Variants in CSMD2 observed in about 807,000 individuals in gnomAD.
The protein encoded by CSMD2 is CUB and Sushi multiple domains 2, also known as CUB and sushi domain-containing protein 2.
In CSMD2, 130 loss-of-function variants were observed where a neutral mutation model predicts 398.5. The observed-to-expected ratio is 0.33, with a 90% CI of 0.28 to 0.38. CSMD2 has a LOEUF of 0.38. CSMD2 is among the 10% of genes least tolerant of loss of function. CSMD2 has a pLI of 1.00. For missense variants in CSMD2, 3,829 were observed against 4,764.9 expected (o/e 0.80, Z 5.78); for synonymous variants, 1,828 against 1,908.5 (o/e 0.96, Z 1.10).
At position 33,707,688 on chromosome 1, in the gene CSMD2, C is replaced by T. The variant is rs1013350124; in HGVS notation, c.3576+1401G>A. 6.3e-4 allele frequency among the ~76,000 whole-genome samples: 27 copies of T among 42,988 alleles called. No individual in the cohort carries two copies. In the East Asian group the frequency reaches 9.4e-3, roughly 15 times the overall value. The allele number at this position is 42,988 out of a possible 152,430, so 28.2% of individuals were successfully genotyped here. On this transcript the variant is annotated intron_variant, in intron 22 of 70. Transcript: ENST00000373381. ...TCAAACACGCACGCGTGCACACGCG[C>T]GCGCGCGCACACACACACACACACA...
intron 25 of CSMD2, among the ~76,000 whole-genome samples, chr1:33,675,943 T>C (rs1442290313): frequency 6.6e-6 from 1 of 152,302 alleles, no homozygotes; most frequent in African/African-American, 2.4e-5. Context: ...AAATTAGGTA[T>C]TGATGGGACG....
chr1:33,814,634 C>T (rs145570250), intron 9 of CSMD2, among the ~76,000 whole-genome samples: 2 of 152,246 alleles, frequency 1.3e-5, no homozygotes, highest in East Asian at 3.9e-4. Flanking sequence ...GAGAGATGTC[C>T]CTTGTTTTGG....
chr1:34,036,087 G>A (rs780927715), intron 2 of CSMD2, among the ~76,000 whole-genome samples: 2 of 152,004 alleles, frequency 1.3e-5, no homozygotes, highest in Non-Finnish European at 2.9e-5. Flanking sequence ...AAAACATGCA[G>A]CCACTCTGGT....
rs1653620381 is a variant in CSMD2 at position 33,514,736 on chromosome 1, G to C, written c.*1888C>G. On this transcript the variant is annotated 3_prime_UTR_variant, in exon 71 of 71. Transcript: ENST00000373381. ...CAGCCAAGGAAAGAGATGAGAGTGTGAGTGTGTCTGGATTGGCCCTCTCCC... is the reference window on the plus strand; with the variant it reads ...CAGCCAAGGAAAGAGATGAGAGTGTCAGTGTGTCTGGATTGGCCCTCTCCC... The C allele has an allele frequency of 6.6e-6, 1 of 152,524 alleles. No individual in the cohort carries two copies. Among genetic ancestry groups the C allele is most frequent in the Non-Finnish European group, 1.5e-5 (1 of 68,348 alleles). The allele number at this position is 152,524 out of a possible 1,614,324, so 9.4% of individuals were successfully genotyped here.
At chr1:33,891,636 C>G (rs1642024110) in intron 5 of CSMD2, among the ~76,000 whole-genome samples, 1 of 151,806 alleles carries the variant, frequency 6.6e-6, no homozygotes. Flanking sequence ...ATAGCAAAGA[C>G]TTGGAACCAA....
intron 5 of CSMD2, among the ~76,000 whole-genome samples, chr1:33,848,305 G>C (rs1450249805): frequency 6.6e-6 from 1 of 152,150 alleles, no homozygotes; most frequent in East Asian, 1.9e-4. Flanking sequence ...CACCATATAG[G>C]ACCCAGATCT....
chr1:33,666,055 T>C (rs887832928), intron 25 of CSMD2, among the ~76,000 whole-genome samples: 1 of 152,190 alleles, frequency 6.6e-6, no homozygotes, highest in Non-Finnish European at 1.5e-5. Flanking sequence ...AATATCCCCT[T>C]AGTTGCGGGC....
chr1:33,727,072 C>A (rs1390460021), intron 15 of CSMD2, among the ~76,000 whole-genome samples: 2 of 151,878 alleles, frequency 1.3e-5, no homozygotes, highest in Non-Finnish European at 2.9e-5. Context: ...GGTCAGAACC[C>A]CAGGACCCTA....
At chr1:34,093,047 G>C (rs1159069326) in intron 1 of CSMD2, among the ~76,000 whole-genome samples, 1 of 150,752 alleles carries the variant, frequency 6.6e-6, no homozygotes, top group Non-Finnish European at 1.5e-5. Context: ...CTCCCAGTAC[G>C]CAGCTGGAGA....
chr1:33,753,475 C>A (rs1490849500), intron 13 of CSMD2, among the ~76,000 whole-genome samples: 2 of 152,212 alleles, frequency 1.3e-5, no homozygotes, highest in Non-Finnish European at 2.9e-5. Flanking sequence ...GCACAGCATG[C>A]AAGTATGAAG....
chr1:33,719,270 A>G (rs1219447551), intron 19 of CSMD2, among the ~76,000 whole-genome samples: 1 of 152,204 alleles, frequency 6.6e-6, no homozygotes, highest in Admixed American at 6.5e-5. Flanking sequence ...TACCTAGGAC[A>G]TGGAGTTGGG....
intron 5 of CSMD2, among the ~76,000 whole-genome samples, chr1:33,902,474 G>GT (rs1642817504): frequency 6.6e-6 from 1 of 152,160 alleles, no homozygotes; most frequent in Non-Finnish European, 1.5e-5. Flanking sequence ...CGAATCCACA[G>GT]TGAGCTGTAA....
chr1:33,670,185 G>T (rs1644447702), intron 25 of CSMD2, among the ~76,000 whole-genome samples: 1 of 152,162 alleles, frequency 6.6e-6, no homozygotes, highest in Non-Finnish European at 1.5e-5. Context: ...CTAGTGAGAT[G>T]CTCCCTCTAC....
At chr1:34,002,998 C>T (rs923259093) in intron 3 of CSMD2, among the ~76,000 whole-genome samples, 2 of 152,186 alleles carry the variant, frequency 1.3e-5, no homozygotes, top group Non-Finnish European at 2.9e-5. Context: ...GTGGGTCAGG[C>T]TCCCTCATTG....
At chr1:33,787,785 C>T (rs1389651696) in intron 12 of CSMD2, among the ~76,000 whole-genome samples, 1 of 152,064 alleles carries the variant, frequency 6.6e-6, no homozygotes, top group Non-Finnish European at 1.5e-5. Context: ...TGGAAGTGGT[C>T]AGAAGGGTGA....
rs1241542746 is a variant in CSMD2, at chr1:33,726,581, G to T, written c.2473C>A (p.Gln825Lys). Residue 825 changes from glutamine (Q) to lysine (K), a missense_variant, in exon 16 of 71, where the codon CAG becomes AAG. This residue lies in a region of CSMD2 where 2,001 missense variants were observed against 2,567.1 expected (regional missense o/e 0.78). Coordinates refer to ENST00000373381, the MANE Select transcript of CSMD2 (RefSeq NM_001281956.2). ...GTGATTTTGATGGGGTAGCCTGGCT[G>T]GGCCTCAATCACCCAGGCACAGCTC... is the stretch of plus-strand genomic sequence containing the variant. The part of the protein sequence containing the change: ...ALSCAWVIEA[Q>K]PGYPIKITFD... The T allele has an allele frequency of 6.2e-7, 1 of 1,613,006 alleles. No homozygotes were observed. The highest frequency in any genetic ancestry group is 8.5e-7 in the Non-Finnish European group (1 of 1,179,336).
intron 60 of CSMD2, among the ~76,000 whole-genome samples, chr1:33,538,887 T>G (rs994850662): frequency 3.9e-5 from 6 of 152,208 alleles, no homozygotes; most frequent in Admixed American, 3.9e-4. Flanking sequence ...GAAGACAGTT[T>G]GACAACATAT....
Position 33,816,732 on chromosome 1 carries a change from GA to G in CSMD2, c.1324+2980del, listed in dbSNP as rs1225749143. Among the ~76,000 whole-genome samples, 3 of 152,120 alleles carry G rather than the reference GA, an allele frequency of 2.0e-5. No individual in the cohort carries two copies. In the East Asian group the frequency reaches 5.8e-4, roughly 29 times the overall value. On this transcript the variant is annotated intron_variant, in intron 9 of 70. Coordinates refer to ENST00000373381, the MANE Select transcript of CSMD2 (RefSeq NM_001281956.2). ...TTCTTCTGATGGGAGGGAAAGAAAA[GA>G]AAGGCCTGTGAACGCCTAATTTCAT...
intron 5 of CSMD2, among the ~76,000 whole-genome samples, chr1:33,894,729 G>A (rs1642264497): frequency 6.6e-6 from 1 of 152,120 alleles, no homozygotes; most frequent in Admixed American, 6.5e-5. Context: ...TGCTTTTGGG[G>A]AACCCAAACT....
Sources: gnomAD v4.1 joint callset for allele counts (sites outside exome capture counted in the v4.1 genomes callset) on GRCh38, gnomAD v4.1.1 for gene constraint, gnomAD v4.1.1 regional missense constraint, MANE v1.5 for transcripts, NCBI Gene and HGNC (gene_info 2026-07-23, HGNC 2026-07-21) for gene names.